HTT: variants seen among roughly 807,000 people sequenced by gnomAD.
HTT encodes the protein huntingtin, also known as huntington disease protein.
Under a neutral mutation model 362.3 loss-of-function variants are expected in HTT, and 104 were observed. The ratio of observed to expected loss-of-function variants is 0.29; its 90% CI spans 0.24 to 0.34. HTT has a LOEUF of 0.34. Among genes scored for constraint, HTT ranks in the 10% least tolerant of loss-of-function variants. HTT has a pLI of 1.00. For synonymous variants in HTT, 1,577 were observed against 1,548.7 expected (o/e 1.02, Z -0.43); for missense variants, 3,301 against 3,928.6 (o/e 0.84, Z 4.27).
chr4:3,178,511 A>G, intron 35 of HTT, 65 bp downstream of exon 35: 2 of 1,456,222 alleles, frequency 1.4e-6, no homozygotes, highest in Non-Finnish European at 1.9e-6. Context: ...GTTCGTTTTC[A>G]TATACCCACT....
Position 3,187,715 on chromosome 4 carries a change from C to T in HTT, c.5054C>T (p.Ser1685Phe). The change falls in exon 39 of 67, where the codon TCC becomes TTC. Residue 1685 changes from serine to phenylalanine, a missense_variant. Transcript: ENST00000355072. ...GILAILRVLI[S>F]QSTEDIVLSR... Reference sequence around the variant, plus strand: ...CTGGCCATTTTGAGGGTTCTGATTTCCCAGTCAACTGAAGATATTGTTCTT... The same window carrying T: ...CTGGCCATTTTGAGGGTTCTGATTTTCCAGTCAACTGAAGATATTGTTCTT... 6.2e-7 allele frequency: 1 copy of T among 1,614,166 alleles called. No homozygotes were observed. The highest frequency in any genetic ancestry group is 8.5e-7 in the Non-Finnish European group (1 of 1,180,000).
rs774678638 is a variant in HTT at position 3,177,287 on chromosome 4, T to C, written c.4408-45T>C. ...GAGGAAAAGAAGCCTGGTTTTTACA[T>C]TTTAATCCTATTATTGATGTGAAAT... is the stretch of plus-strand genomic sequence containing the variant. On this transcript the variant is annotated intron_variant, in intron 33 of 66. Transcript: ENST00000355072. The C allele has an allele frequency of 2.2e-6, 3 of 1,347,312 alleles. No individual in the cohort carries two copies. In the South Asian group the frequency reaches 3.7e-5, roughly 17 times the overall value. The allele number at this position is 1,347,312 out of a possible 1,614,324, so 83.5% of individuals were successfully genotyped here.
At chr4:3,118,181 C>T (rs1252884567) in intron 8 of HTT, among the ~76,000 whole-genome samples, 1 of 152,086 alleles carries the variant, frequency 6.6e-6, no homozygotes, top group African/African-American at 2.4e-5. Flanking sequence ...GAGGAAAAGC[C>T]TTGTCAGATT....
chr4:3,104,270 A>T (rs1164810510), intron 4 of HTT, among the ~76,000 whole-genome samples: 1 of 148,542 alleles, frequency 6.7e-6, no homozygotes, highest in Non-Finnish European at 1.5e-5. Flanking sequence ...AAGTGTTGGG[A>T]TTACAGGCGT....
In HTT at chr4:3,233,473, A is replaced by T. The variant is rs1721359904; in HGVS notation, c.8456+120A>T. The stretch of plus-strand genomic sequence containing the variant: ...AGATGGCAGGCCAGGTATCAGTGGG[A>T]ACCCAGGTGGGTGCCATGGCTGAGG... On this transcript the variant is annotated intron_variant, in intron 61 of 66. Coordinates refer to ENST00000355072, the MANE Select transcript of HTT (RefSeq NM_001388492.1). The T allele has an allele frequency of 7.0e-6, 7 of 994,042 alleles. No homozygotes were observed. In the Admixed American group the frequency reaches 1.5e-4, roughly 21 times the overall value. 61.6% of individuals were successfully genotyped at this position (994,042 alleles called of 1,614,324 possible).
At chr4:3,170,373 T>C (rs886101922) in intron 29 of HTT, among the ~76,000 whole-genome samples, 3 of 152,192 alleles carry the variant, frequency 2.0e-5, no homozygotes, top group Non-Finnish European at 2.9e-5. Context: ...TCCTGAGTAC[T>C]CTACCTAATG....
At chr4:3,235,431 C>A (rs149040731) in intron 62 of HTT, 33 bp downstream of exon 62, 1 of 1,515,138 alleles carries the variant, frequency 6.6e-7, no homozygotes. Context: ...CCTCTGCACA[C>A]GGGGAGTGGG....
At chr4:3,225,305 T>C (rs1245654240) in intron 56 of HTT, among the ~76,000 whole-genome samples, 3 of 152,230 alleles carry the variant, frequency 2.0e-5, no homozygotes, top group African/African-American at 4.8e-5. Flanking sequence ...CTGCCTGGAC[T>C]GTCGGCTCGC....
Position 3,132,883 on chromosome 4 carries a change from C to T in HTT, c.2465C>T (p.Thr822Ile). 1 of 1,613,738 alleles carries T rather than the reference C, an allele frequency of 6.2e-7. No individual in the cohort carries two copies. ...ACACTGAAGGATGAGTCTTCTGTTA[C>T]TTGCAAGTTAGCTTGTACAGCTGTG... ...RKTLKDESSV[T>I]CKLACTAVRN... The change falls in exon 18 of 67, where the codon ACT (threonine) becomes ATT (isoleucine). Residue 822 changes from threonine to isoleucine, a missense_variant. Around this residue, in one of 4 missense-constraint regions of HTT, gnomAD observed 2,316 missense variants for 2,658.5 expected, o/e 0.87. Transcript: ENST00000355072.
At chr4:3,166,230 A>C (rs766514149) in intron 29 of HTT, among the ~76,000 whole-genome samples, 1 of 152,222 alleles carries the variant, frequency 6.6e-6, no homozygotes, top group Non-Finnish European at 1.5e-5. Flanking sequence ...TTGCCTGGGC[A>C]TCACCAGCAG....
At chr4:3,108,268 A>C (rs1246875583) in intron 6 of HTT, among the ~76,000 whole-genome samples, 1 of 152,196 alleles carries the variant, frequency 6.6e-6, no homozygotes, top group African/African-American at 2.4e-5. Flanking sequence ...AGCCTCTCTC[A>C]TGTTTTTTCT....
chr4:3,175,938 A>G lies in HTT; in HGVS notation c.4407+831A>G, dbSNP rs528816166. 1.2e-4 allele frequency among the ~76,000 whole-genome samples: 18 copies of G among 152,134 alleles called. 1 individual carries two copies. The South Asian group carries it at 1.9e-3, about 16-fold the overall frequency. ...CTCACCTGAAAGGGTCTGTTTCCCT[A>G]GGAGAACTGAGGGCACTCGGTCAAC... On this transcript the variant is annotated intron_variant, in intron 33 of 66. Transcript: ENST00000355072.
chr4:3,111,938 G>C (rs1199570204), intron 6 of HTT, among the ~76,000 whole-genome samples: 1 of 152,122 alleles, frequency 6.6e-6, no homozygotes, highest in Non-Finnish European at 1.5e-5. Flanking sequence ...CTTGCTTTTT[G>C]CTGGTATCCC....
chr4:3,088,209 C>T (rs565662211), intron 2 of HTT, among the ~76,000 whole-genome samples: 55 of 132,782 alleles, frequency 4.1e-4, no homozygotes, highest in African/African-American at 1.4e-3. Context: ...TTTTTTGAGA[C>T]GGAGTCACGA....
At chr4:3,175,230 G>A in intron 33 of HTT, 123 bp downstream of exon 33, 1 of 942,340 alleles carries the variant, frequency 1.1e-6, no homozygotes, top group Non-Finnish European at 1.6e-6. Flanking sequence ...AGTTGCTGCT[G>A]CTTATCTTTT....
chr4:3,243,588 G>C lies in HTT; in HGVS notation c.*3529G>C, dbSNP rs1315212802. 6.6e-6 allele frequency: 1 copy of C among 152,284 alleles called. No homozygotes were observed. 9.4% of individuals were successfully genotyped at this position (152,284 alleles called of 1,614,324 possible). A position where few individuals can be genotyped will look rare whatever the true frequency, so the allele number is the denominator to read the frequency against. On this transcript the variant is annotated 3_prime_UTR_variant, in exon 67 of 67. Transcript: ENST00000355072. ...CGCTCTTCCCCCATGTGCCTGTCAC[G>C]CTCTGGTGCAGTCAAAGGAACGCCT...
chr4:3,183,585 T>C (rs570585296), intron 37 of HTT, among the ~76,000 whole-genome samples: 21 of 152,326 alleles, frequency 1.4e-4, no homozygotes, highest in African/African-American at 4.8e-4. Flanking sequence ...CCCATTCTGA[T>C]TTCATAATGG....
chr4:3,157,959 C>T (rs191312325), intron 28 of HTT, among the ~76,000 whole-genome samples: 65 of 151,548 alleles, frequency 4.3e-4, no homozygotes, highest in African/African-American at 1.6e-3. Flanking sequence ...TTATATCAAT[C>T]TATCTGTCTG....
chr4:3,150,507 C>T (rs951491534), intron 26 of HTT, among the ~76,000 whole-genome samples: 3 of 152,132 alleles, frequency 2.0e-5, no homozygotes, highest in Non-Finnish European at 2.9e-5. Context: ...ATGTCAGACA[C>T]GGTGTGATGA....
Sources: allele counts gnomAD v4.1 joint callset (sites outside exome capture counted in the v4.1 genomes callset), GRCh38; gene constraint gnomAD v4.1.1; regional missense constraint gnomAD v4.1.1; transcripts MANE v1.5; gene names NCBI Gene and HGNC (gene_info 2026-07-23, HGNC 2026-07-21).